CHRM3: variants seen among roughly 807,000 people sequenced by gnomAD.
CHRM3 encodes cholinergic receptor muscarinic 3.
CHRM3 carries 11 observed loss-of-function variants against 41.8 expected under a neutral mutation model. The observed-to-expected ratio is 0.26, with a 90% CI of 0.17 to 0.44. The LOEUF (loss-of-function observed/expected upper bound fraction) is 0.44. Among genes scored for constraint, CHRM3 ranks in the 20% least tolerant of loss-of-function variants. The pLI is 1.00. For synonymous variants in CHRM3, 297 were observed against 301.4 expected, an observed-to-expected ratio of 0.99 and a Z score of 0.15; for missense variants, 571 against 745.4, an observed-to-expected ratio of 0.77 and a Z score of 2.72.
At chr1:239,883,723 TAC>T (rs1435070990) in intron 6 of CHRM3, among the ~76,000 whole-genome samples, 1 of 152,172 alleles carries the variant, frequency 6.6e-6, no homozygotes. Flanking sequence ...TTTGAACAAA[TAC>T]ACACACAGTC....
chr1:239,410,783 A>G lies in CHRM3; in HGVS notation c.-521+23556A>G, dbSNP rs61834685. ...CATCCGCTTTCTCTAAAGGATTTCC[A>G]TTAAGACTTCTACCACACTGCCCCT... On this transcript the variant is annotated intron_variant, in intron 1 of 6. Coordinates refer to ENST00000676153, the MANE Select transcript of CHRM3 (RefSeq NM_001375978.1). Among the ~76,000 whole-genome samples the G allele has an allele frequency of 1.8e-3, 280 of 152,328 alleles. 1 individual carries two copies. The highest frequency in any genetic ancestry group is 3.1e-3 in the Non-Finnish European group (211 of 68,014).
At chr1:239,662,367 A>T (rs535605531) in intron 4 of CHRM3, among the ~76,000 whole-genome samples, 1 of 152,274 alleles carries the variant, frequency 6.6e-6, no homozygotes, top group East Asian at 1.9e-4. Flanking sequence ...AGGAGACTTT[A>T]TGAAAACCTT....
chr1:239,787,495 G>T (rs890646146), intron 5 of CHRM3, among the ~76,000 whole-genome samples: 1 of 152,126 alleles, frequency 6.6e-6, no homozygotes, highest in African/African-American at 2.4e-5. Context: ...ACTCCCAGTG[G>T]CAGGAAAGAT....
chr1:239,459,343 G>GAA (rs1052911110), intron 1 of CHRM3, among the ~76,000 whole-genome samples: 2 of 152,080 alleles, frequency 1.3e-5, no homozygotes, highest in Non-Finnish European at 2.9e-5. Flanking sequence ...AAATATGGCT[G>GAA]AAAATACATT....
In CHRM3 at chr1:239,748,610, A is replaced by G. The variant is rs1302373290; in HGVS notation, c.-147+70322A>G. ...AACTACGAAGTTATTAACCAGAATC[A>G]ATTTGTGTATATCTTGCTTTCTTGT... On this transcript the variant is annotated intron_variant, in intron 5 of 6. Transcript: ENST00000676153. This position sits in a 1 kb window ranked among gnomAD's most constrained non-coding sequence, Gnocchi z 4.3. Among the ~76,000 whole-genome samples the G allele has an allele frequency of 1.3e-5, 2 of 152,210 alleles. No individual in the cohort carries two copies. Among genetic ancestry groups the G allele is most frequent in the Non-Finnish European group, 2.9e-5 (2 of 68,020 alleles).
chr1:239,857,399 C>G (rs555556255), intron 6 of CHRM3, among the ~76,000 whole-genome samples: 1 of 152,074 alleles, frequency 6.6e-6, no homozygotes, highest in Admixed American at 6.6e-5. Context: ...ATGATACTAC[C>G]ACGAATAAGT....
At chr1:239,847,937 G>A (rs1427183404) in intron 6 of CHRM3, among the ~76,000 whole-genome samples, 2 of 149,172 alleles carry the variant, frequency 1.3e-5, no homozygotes, top group Non-Finnish European at 3.0e-5. Flanking sequence ...GAAAAGAGAA[G>A]AGAAGAGAGG....
Position 239,521,092 on chromosome 1 carries a change from G to A in CHRM3, c.-421-24549G>A, listed in dbSNP as rs555943714. Among the ~76,000 whole-genome samples the A allele has an allele frequency of 7.7e-4, 118 of 152,292 alleles. 1 individual carries two copies. The highest frequency in any genetic ancestry group is 1.7e-3 in the South Asian group (8 of 4,824). On this transcript the variant is annotated intron_variant, in intron 2 of 6. Transcript: ENST00000676153. ...TTATTATTCAGATTTATATTAAAAT[G>A]AATTAGATTATGGTCCTCCCACATT...
chr1:239,552,626 A>ATT (rs1250589909), intron 3 of CHRM3, among the ~76,000 whole-genome samples: 8 of 89,274 alleles, frequency 9.0e-5, no homozygotes, highest in East Asian at 2.9e-4. Context: ...ACACCTGACT[A>ATT]ATATTATTAT....
intron 1 of CHRM3, among the ~76,000 whole-genome samples, chr1:239,391,664 T>C (rs1054409227): frequency 3.9e-5 from 6 of 152,204 alleles, no homozygotes; most frequent in African/African-American, 9.6e-5. Context: ...TAGGGTCCAG[T>C]AGTGATGACA....
At position 239,494,258 on chromosome 1, in the gene CHRM3, G is replaced by T. The variant is rs1572493258; in HGVS notation, c.-422+1451G>T. Among the ~76,000 whole-genome samples, 3 of 152,210 alleles carry T rather than the reference G, an allele frequency of 2.0e-5. No individual in the cohort carries two copies. In the East Asian group the frequency reaches 5.8e-4, roughly 30 times the overall value. On this transcript the variant is annotated intron_variant, in intron 2 of 6. Transcript: ENST00000676153. ...AATGTTTTATGCTAAAGAGCAATGAGAGCAGCTAGGGATGGCTTTCATTGC... is the reference window on the plus strand; with the variant it reads ...AATGTTTTATGCTAAAGAGCAATGATAGCAGCTAGGGATGGCTTTCATTGC...
At chr1:239,571,634 A>T (rs558335314) in intron 3 of CHRM3, among the ~76,000 whole-genome samples, 2 of 152,074 alleles carry the variant, frequency 1.3e-5, no homozygotes, top group Non-Finnish European at 2.9e-5. Flanking sequence ...AGCACTGTGC[A>T]TTGTCAAACA....
intron 6 of CHRM3, among the ~76,000 whole-genome samples, chr1:239,883,249 C>A (rs1677796403): frequency 6.6e-6 from 1 of 152,162 alleles, no homozygotes; most frequent in Non-Finnish European, 1.5e-5. Flanking sequence ...CTTATTTATT[C>A]TTTAGTGTTC....
At chr1:239,763,911 C>T (rs183428785) in intron 5 of CHRM3, among the ~76,000 whole-genome samples, 5 of 151,506 alleles carry the variant, frequency 3.3e-5, no homozygotes, top group East Asian at 2.0e-4. Flanking sequence ...GCCTGGGCAA[C>T]ATAGCAAGAC....
intron 1 of CHRM3, among the ~76,000 whole-genome samples, chr1:239,456,577 A>C (rs936356808): frequency 6.6e-6 from 1 of 152,180 alleles, no homozygotes; most frequent in Non-Finnish European, 1.5e-5. Flanking sequence ...CTCGGAACGT[A>C]TCCTGGTCCT....
chr1:239,445,924 C>T (rs902932069), intron 1 of CHRM3, among the ~76,000 whole-genome samples: 2 of 150,530 alleles, frequency 1.3e-5, no homozygotes, highest in African/African-American at 4.9e-5. Flanking sequence ...TGAATTATGA[C>T]ATCTTGAATG....
rs1179822484 is a variant in CHRM3 at position 239,744,042 on chromosome 1, T to A, written c.-147+65754T>A. Among the ~76,000 whole-genome samples, 6 of 151,112 alleles carry A rather than the reference T, an allele frequency of 4.0e-5. No individual in the cohort carries two copies. The East Asian group carries it at 1.2e-3, about 30-fold the overall frequency. Reference sequence around the variant, plus strand: ...TCAGACTGGTCTCAAACTCTTGGTCTCAAGAAATCCTTCCACCTAGGCCTC... The same window carrying A: ...TCAGACTGGTCTCAAACTCTTGGTCACAAGAAATCCTTCCACCTAGGCCTC... On this transcript the variant is annotated intron_variant, in intron 5 of 6. Transcript: ENST00000676153.
intron 5 of CHRM3, among the ~76,000 whole-genome samples, chr1:239,795,027 A>C (rs1310236584): frequency 6.6e-6 from 1 of 152,222 alleles, no homozygotes; most frequent in Non-Finnish European, 1.5e-5. Context: ...CACACTGGTG[A>C]ACTAACCAAT....
At chr1:239,786,651 G>A (rs1171150285) in intron 5 of CHRM3, among the ~76,000 whole-genome samples, 1 of 152,228 alleles carries the variant, frequency 6.6e-6, no homozygotes, top group Non-Finnish European at 1.5e-5. Context: ...GTGCTCAGAG[G>A]TCACTGGGCT....
Sources: allele counts gnomAD v4.1 joint callset (sites outside exome capture counted in the v4.1 genomes callset), GRCh38; gene constraint gnomAD v4.1.1; non-coding constraint Gnocchi (gnomAD v3.1); transcripts MANE v1.5; gene names NCBI Gene and HGNC (gene_info 2026-07-23, HGNC 2026-07-21).